The following RGS6 variants were observed in gnomAD, a reference collection of about 807,000 sequenced individuals.
RGS6 encodes regulator of G-protein signaling 6.
In RGS6, 30 loss-of-function variants were observed where a neutral mutation model predicts 78.5. The observed-to-expected ratio is 0.38, with a 90% CI of 0.29 to 0.52. The LOEUF is 0.52. Ranked by LOEUF, RGS6 falls within the 20% of genes least tolerant of loss-of-function variation. RGS6 has a pLI of 0.85. For synonymous variants in RGS6, 206 were observed against 206.0 expected (o/e 1.00, Z 0.00); for missense variants, 495 against 609.7 (o/e 0.81, Z 1.98).
At chr14:72,353,344 G>A (rs1160268708) in intron 3 of RGS6, among the ~76,000 whole-genome samples, 4 of 152,124 alleles carry the variant, frequency 2.6e-5, no homozygotes, top group East Asian at 1.9e-4. Context: ...TTCAGTGAAC[G>A]GGTAAATGGA....
rs186807415 is a variant in RGS6 at position 72,545,872 on chromosome 14, G to A, written c.1422+5778G>A. ...GTGCCCTACACCCTTCAGCTTGCCA[G>A]TTCTGCAGTCCCCACCCTTCCGGTC... is the stretch of plus-strand genomic sequence containing the variant. On this transcript the variant is annotated intron_variant, in intron 17 of 17. Transcript: ENST00000553525. Among the ~76,000 whole-genome samples the A allele has an allele frequency of 5.3e-5, 8 of 152,102 alleles. No homozygotes were observed. In the East Asian group the frequency reaches 1.5e-3, roughly 29 times the overall value.
intron 2 of RGS6, among the ~76,000 whole-genome samples, chr14:72,304,484 G>A (rs995208206): frequency 4.6e-5 from 7 of 152,210 alleles, no homozygotes; most frequent in Non-Finnish European, 8.8e-5. Context: ...ATGCTCTAGT[G>A]AATTTTCTAT....
At chr14:72,258,061 A>C (rs1435975343) in intron 2 of RGS6, among the ~76,000 whole-genome samples, 1 of 152,226 alleles carries the variant, frequency 6.6e-6, no homozygotes, top group African/African-American at 2.4e-5. Context: ...CTAGGTCAAG[A>C]GCAGAGTTTT....
intron 17 of RGS6, among the ~76,000 whole-genome samples, chr14:72,559,014 T>G (rs550814384): frequency 6.6e-6 from 1 of 152,154 alleles, no homozygotes; most frequent in Admixed American, 6.5e-5. Flanking sequence ...CTGAGGAACA[T>G]TACACACTCA....
chr14:72,575,964 G>A, the RGS6 span, among the ~76,000 whole-genome samples: 1 of 152,350 alleles, frequency 6.6e-6, no homozygotes, highest in African/African-American at 2.4e-5. Context: ...TTCTCAGACG[G>A]CCAGAGCCAG....
chr14:72,586,266 G>C, the RGS6 span, among the ~76,000 whole-genome samples: 1 of 152,212 alleles, frequency 6.6e-6, no homozygotes, highest in Non-Finnish European at 1.5e-5. Context: ...CGGCATGGTG[G>C]CCGGTGTTTG....
chr14:72,094,487 T>A (rs960506469), intron 2 of RGS6, among the ~76,000 whole-genome samples: 18 of 152,308 alleles, frequency 1.2e-4, no homozygotes, highest in Admixed American at 1.2e-3. Context: ...TATATAGGGA[T>A]CTTACTGTAT....
At chr14:72,483,670 T>C (rs2096428333) in intron 12 of RGS6, among the ~76,000 whole-genome samples, 1 of 151,716 alleles carries the variant, frequency 6.6e-6, no homozygotes, top group African/African-American at 2.4e-5. Context: ...TCAGAAACCA[T>C]GGGGTCTTTG....
the RGS6 span, among the ~76,000 whole-genome samples, chr14:72,587,114 G>A: frequency 1.4e-4 from 22 of 152,226 alleles, 1 homozygote; most frequent in Admixed American, 8.5e-4. Context: ...GGTCAGCCAC[G>A]TCTCTGTGTT....
chr14:72,202,911 C>T (rs919721347), intron 2 of RGS6, among the ~76,000 whole-genome samples: 3 of 151,934 alleles, frequency 2.0e-5, no homozygotes, highest in East Asian at 1.9e-4. Flanking sequence ...CTCGCTCTGT[C>T]GCCCAGGCTG....
Position 72,036,304 on chromosome 14 carries a change from G to T in RGS6, c.84+71429G>T, listed in dbSNP as rs190165862. Among the ~76,000 whole-genome samples the T allele has an allele frequency of 2.3e-4, 34 of 148,278 alleles. 2 individuals carry two copies. Among genetic ancestry groups the T allele is most frequent in the African/African-American group, 8.0e-4 (31 of 38,584 alleles). ...TGTTTTGTTTTGTTTTTCACCCATT[G>T]TAGAGCATTTGGCTGTTTCCAGTTT... On this transcript the variant is annotated intron_variant, in intron 2 of 17. Transcript: ENST00000553525.
intron 2 of RGS6, chr14:71,990,662 C>A (rs903339405): frequency 6.6e-6 from 3 of 455,896 alleles, no homozygotes; most frequent in South Asian, 4.6e-5. Context: ...CTGCCCACCC[C>A]GTGAAACTTT....
At chr14:72,592,937 G>A in the RGS6 span, among the ~76,000 whole-genome samples, 2 of 152,208 alleles carry the variant, frequency 1.3e-5, no homozygotes, top group African/African-American at 2.4e-5. Flanking sequence ...AGTGTCCCTT[G>A]GACCAGTTGT....
chr14:72,006,492 A>G (rs575906440), intron 2 of RGS6, among the ~76,000 whole-genome samples: 4 of 152,312 alleles, frequency 2.6e-5, no homozygotes, highest in African/African-American at 9.6e-5. Context: ...TGTTGTGACG[A>G]TAGGCAATGT....
intron 12 of RGS6, among the ~76,000 whole-genome samples, chr14:72,485,217 ATATT>A (rs2153383207): frequency 6.6e-6 from 1 of 152,196 alleles, no homozygotes; most frequent in South Asian, 2.1e-4. Flanking sequence ...TGAATTTCCT[ATATT>A]TATTTTATTT....
chr14:72,459,644 T>C lies in RGS6; in HGVS notation c.355T>C (p.Trp119Arg), dbSNP rs1312182529. The part of the protein sequence containing the change: ...TFYRFQAPYF[W>R]PSNCWEPENT... ...TGCTCCTTTGCAGGCTCCGTACTTCTGGCCTTCGAACTGCTGGGAACCTGA... is the reference window on the plus strand; with the variant it reads ...TGCTCCTTTGCAGGCTCCGTACTTCCGGCCTTCGAACTGCTGGGAACCTGA... Residue 119 changes from tryptophan (W) to arginine (R), a missense_variant, in exon 6 of 18, where the codon TGG (tryptophan) becomes CGG (arginine). By Grantham distance (101) the Trp-to-Arg change is moderately radical. Transcript: ENST00000553525. 8 of 1,614,006 alleles carry C rather than the reference T, an allele frequency of 5.0e-6. No homozygotes were observed. Among genetic ancestry groups the C allele is most frequent in the Admixed American group, 1.7e-5 (1 of 60,008 alleles).
chr14:72,368,153 A>T (rs1403067512), intron 3 of RGS6, among the ~76,000 whole-genome samples: 1 of 152,180 alleles, frequency 6.6e-6, no homozygotes, highest in African/African-American at 2.4e-5. Flanking sequence ...TGGTGCCAGC[A>T]TCTAATGAGG....
chr14:72,183,471 C>T (rs528024169), intron 2 of RGS6, among the ~76,000 whole-genome samples: 6 of 152,122 alleles, frequency 3.9e-5, no homozygotes, highest in Non-Finnish European at 5.9e-5. Context: ...GGTATAATTG[C>T]AGGTAGAGTT....
At chr14:72,316,555 ACG>A in intron 2 of RGS6, among the ~76,000 whole-genome samples, 1 of 152,252 alleles carries the variant, frequency 6.6e-6, no homozygotes, top group East Asian at 1.9e-4. Context: ...GTCCCTACAA[ACG>A]GCATGAACTC....
Sources: gnomAD v4.1 joint callset for allele counts (sites outside exome capture counted in the v4.1 genomes callset) on GRCh38, gnomAD v4.1.1 for gene constraint, MANE v1.5 for transcripts, NCBI Gene and HGNC (gene_info 2026-07-23, HGNC 2026-07-21) for gene names.